The following NUP160 variants were observed in gnomAD, a reference collection of about 807,000 sequenced individuals.
NUP160 encodes nucleoporin 160, also known as nuclear pore complex protein Nup160.
Under a neutral mutation model 196.9 loss-of-function variants are expected in NUP160, and 94 were observed. That is an observed-to-expected ratio of 0.48 (90% CI 0.40 to 0.57). NUP160 has a LOEUF of 0.57. NUP160 is among the 20% of genes least tolerant of loss of function. NUP160 has a pLI of 0.00. For synonymous variants in NUP160, 605 were observed against 619.7 expected, an observed-to-expected ratio of 0.98 and a Z score of 0.35; for missense variants, 1,638 against 1,748.3, an observed-to-expected ratio of 0.94 and a Z score of 1.13.
In NUP160 at chr11:47,824,047, A is replaced by ATGTG. The variant is rs1851919813; in HGVS notation, c.1102-1884_1102-1883insCACA. 3.1e-5 allele frequency among the ~76,000 whole-genome samples: 4 copies of ATGTG among 129,998 alleles called. No homozygotes were observed. The Admixed American group carries it at 3.2e-4, about 10-fold the overall frequency. The allele number at this position is 129,998 out of a possible 152,430, so 85.3% of individuals were successfully genotyped here. A position where few individuals can be genotyped will look rare whatever the true frequency, so the allele number is the denominator to read the frequency against. ...TATATATATATATATATATATATAT[A>ATGTG]TATATACACACACACATAGAAGTGG... On this transcript the variant is annotated intron_variant, in intron 7 of 35. Coordinates refer to ENST00000378460, the Ensembl canonical transcript of NUP160.
intron 7 of NUP160, among the ~76,000 whole-genome samples, chr11:47,835,281 G>GT (rs550097207): frequency 1.3e-4 from 20 of 152,216 alleles, no homozygotes; most frequent in African/African-American, 4.6e-4. Flanking sequence ...CACATCCTAC[G>GT]TATCTCATCT....
At chr11:47,787,065 G>C (rs1053958383) in intron 31 of NUP160, 1 of 145,192 alleles carries the variant, frequency 6.9e-6, no homozygotes, top group Non-Finnish European at 1.5e-5. Context: ...TGGGATAACA[G>C]GTATGAGCCA....
intron 4 of NUP160, 150 bp from the exon 5 acceptor site, chr11:47,837,773 TCA>T: frequency 1.7e-6 from 1 of 585,182 alleles, no homozygotes; most frequent in South Asian, 2.2e-5. Context: ...CCTGCATATA[TCA>T]CACCTAAAAT....
chr11:47,822,019 C>T, intron 8 of NUP160, 68 bp downstream of exon 8: 1 of 1,117,088 alleles, frequency 9.0e-7, no homozygotes, highest in Non-Finnish European at 1.3e-6. Flanking sequence ...CCCATTATAC[C>T]ATAACAGAGT....
At chr11:47,801,667 C>T in intron 23 of NUP160, 144 bp downstream of exon 23, 1 of 786,758 alleles carries the variant, frequency 1.3e-6, no homozygotes, top group Non-Finnish European at 2.0e-6. Context: ...TTTAATTTCT[C>T]TAGGCAAATT....
upstream of NUP160, chr11:47,848,482 TG>T (rs1852454209): frequency 9.8e-6 from 13 of 1,323,846 alleles, no homozygotes; most frequent in Middle Eastern, 5.4e-4. Flanking sequence ...AGAATGAGGG[TG>T]GGCAGCGAGG....
At position 47,815,926 on chromosome 11, in the gene NUP160, T is replaced by C. The variant is rs1198186972; in HGVS notation, c.1515+20A>G. Reference sequence around the variant, plus strand: ...ATCAAGATGGAAGGAATTCTTATTCTTTCTCTACCCAAGCCTCACCTCATT... The same window carrying C: ...ATCAAGATGGAAGGAATTCTTATTCCTTCTCTACCCAAGCCTCACCTCATT... On this transcript the variant is annotated intron_variant, in intron 12 of 35. Transcript: ENST00000378460. 1 of 1,580,052 alleles carries C rather than the reference T, an allele frequency of 6.3e-7. No individual in the cohort carries two copies.
chr11:47,847,795 T>C, intron 2 of NUP160, 53 bp downstream of exon 2: 1 of 1,321,666 alleles, frequency 7.6e-7, no homozygotes, highest in South Asian at 1.2e-5. Flanking sequence ...GCGACGAAAA[T>C]TTATACACCA....
intron 7 of NUP160, among the ~76,000 whole-genome samples, chr11:47,832,795 T>C (rs1852103108): frequency 1.3e-5 from 2 of 152,252 alleles, no homozygotes; most frequent in African/African-American, 4.8e-5. Flanking sequence ...ATAAATCAGC[T>C]GTATGTATTG....
chr11:47,779,027 T>G, exon 36 of NUP160: 3 of 1,017,432 alleles, frequency 2.9e-6, no homozygotes, highest in Non-Finnish European at 3.1e-6. Flanking sequence ...AAATCGGCCT[T>G]GAGTACAGGG....
At chr11:47,839,014 AAAG>A (rs202087050) in intron 4 of NUP160, among the ~76,000 whole-genome samples, 45,531 of 150,442 alleles carry the variant, frequency 0.3, 8,273 homozygotes, top group African/African-American at 0.51. Context: ...AAAAAAAAAA[AAAG>A]AATAAAAGAA....
exon 1 of NUP160, chr11:47,848,464 C>A (rs1420758905): frequency 7.0e-6 from 10 of 1,431,036 alleles, no homozygotes; most frequent in Non-Finnish European, 9.3e-6. Context: ...TGCGAGGCTT[C>A]CACCGGGAGA....
At chr11:47,836,989 C>G in exon 6 of NUP160, 3 of 1,610,314 alleles carry the variant, frequency 1.9e-6, no homozygotes, top group Non-Finnish European at 2.5e-6. Context: ...GATCTGAAGG[C>G]GACTGGTCAC....
At chr11:47,822,122 T>G in exon 8 of NUP160, 1 of 1,611,318 alleles carries the variant, frequency 6.2e-7, no homozygotes, top group Non-Finnish European at 8.5e-7. Flanking sequence ...TGATCGAGAC[T>G]ATAGCGATTA....
In NUP160 at chr11:47,837,672, AG is replaced by A. The variant is rs772393188; in HGVS notation, c.749-50del. On this transcript the variant is annotated intron_variant, in intron 4 of 35. Coordinates refer to ENST00000378460, the Ensembl canonical transcript of NUP160. Reference sequence around the variant, plus strand: ...CTTGAACACACTTAGAGAAACCCAAAGGCAAGAATGATGTAACCATGAACAA... The same window carrying A: ...CTTGAACACACTTAGAGAAACCCAAAGCAAGAATGATGTAACCATGAACAA... 2.1e-6 allele frequency: 3 copies of A among 1,406,152 alleles called. No homozygotes were observed. In the African/African-American group the frequency reaches 4.2e-5, roughly 20 times the overall value. 87.1% of individuals were successfully genotyped at this position (1,406,152 alleles called of 1,614,324 possible).
At chr11:47,792,047 A>C in intron 28 of NUP160, 57 bp from the exon 29 acceptor site, 8 of 1,146,892 alleles carry the variant, frequency 7.0e-6, no homozygotes, top group African/African-American at 1.6e-5. Context: ...TTCTGATATC[A>C]TTAACGGTGA....
intron 10 of NUP160, 143 bp from the exon 11 acceptor site, chr11:47,818,267 A>C: frequency 1.7e-6 from 1 of 586,758 alleles, no homozygotes; most frequent in Non-Finnish European, 3.1e-6. Flanking sequence ...GTGCGGTTAC[A>C]TGTTTTCACA....
At chr11:47,780,633 C>T (rs566017357) in intron 34 of NUP160, among the ~76,000 whole-genome samples, 186 bp from the exon 35 acceptor site, 1 of 150,724 alleles carries the variant, frequency 6.6e-6, no homozygotes, top group African/African-American at 2.4e-5. Flanking sequence ...GCCTCCTGGG[C>T]TCAAGCAATT....
At chr11:47,792,984 A>G (rs748824601) in intron 27 of NUP160, 38 bp from the exon 28 acceptor site, 1 of 1,578,128 alleles carries the variant, frequency 6.3e-7, no homozygotes, top group Non-Finnish European at 8.6e-7. Context: ...AGAACTTCCA[A>G]ATTTTTTTTT....
Sources: gnomAD v4.1 joint callset for allele counts (sites outside exome capture counted in the v4.1 genomes callset) on GRCh38, gnomAD v4.1.1 for gene constraint, MANE v1.5 for transcripts, NCBI Gene and HGNC (gene_info 2026-07-23, HGNC 2026-07-21) for gene names.